The following A1CF variants were observed in gnomAD, a reference collection of about 807,000 sequenced individuals.
A1CF encodes the protein APOBEC1 complementation factor.
A1CF carries 48 observed loss-of-function variants against 68.9 expected under a neutral mutation model. That is an observed-to-expected ratio of 0.70 (90% confidence interval 0.55 to 0.89). The LOEUF (loss-of-function observed/expected upper bound fraction) is 0.89. Ranked by LOEUF, A1CF falls within the 40% of genes least tolerant of loss-of-function variation. The pLI is 0.00. For missense variants in A1CF, 653 were observed against 718.9 expected, an observed-to-expected ratio of 0.91 and a Z score of 1.05; for synonymous variants, 272 against 260.4, an observed-to-expected ratio of 1.04 and a Z score of -0.43.
At chr10:50,831,667 G>A (rs756031947) in intron 6 of A1CF, among the ~76,000 whole-genome samples, 7 of 152,206 alleles carry the variant, frequency 4.6e-5, no homozygotes, top group Non-Finnish European at 1.0e-4. Flanking sequence ...GGCAGAGGTT[G>A]CAGTGAGCCA....
chr10:50,850,614 G>T, intron 3 of A1CF: 1 of 1,606,814 alleles, frequency 6.2e-7, no homozygotes, highest in African/African-American at 1.3e-5. Context: ...GTGTGTTTCT[G>T]TAAAAGAGAA....
At chr10:50,852,367 G>A (rs1435114842) in intron 3 of A1CF, among the ~76,000 whole-genome samples, 1 of 152,122 alleles carries the variant, frequency 6.6e-6, no homozygotes, top group East Asian at 1.9e-4. Flanking sequence ...CTCCACAAAG[G>A]GATTCACAGA....
rs752556306 is a variant in A1CF at position 50,806,810 on chromosome 10, T to C, written c.1680A>G (p.Gln560=). ...AQLKQAVTLG[Q]DLAAYTTYEV... is the part of the protein sequence containing the mutation. Reference sequence around the variant, plus strand: ...CATAGGTTGTATATGCTGCTAAGTCTTGTCCAAGGGTTACCGCTTGCTTGA... The same window carrying C: ...CATAGGTTGTATATGCTGCTAAGTCCTGTCCAAGGGTTACCGCTTGCTTGA... Residue 560 remains glutamine (Q), a synonymous_variant, in exon 13 of 13, where the codon CAA becomes CAG. Coordinates refer to ENST00000373997, the MANE Select transcript of A1CF (RefSeq NM_014576.4). 2 of 1,613,740 alleles carry C rather than the reference T, an allele frequency of 1.2e-6. No individual in the cohort carries two copies.
At chr10:50,876,066 C>T (rs570088064) in intron 1 of A1CF, among the ~76,000 whole-genome samples, 1 of 152,198 alleles carries the variant, frequency 6.6e-6, no homozygotes, top group Non-Finnish European at 1.5e-5. Flanking sequence ...CCTTGTTTCC[C>T]ATTTCCCACA....
intron 8 of A1CF, among the ~76,000 whole-genome samples, chr10:50,820,051 C>A (rs1838573011): frequency 1.3e-5 from 2 of 152,222 alleles, no homozygotes; most frequent in South Asian, 4.1e-4. Context: ...TATTATATTG[C>A]TTTCTGTAGA....
At chr10:50,867,313 T>G (rs1162167830) in intron 1 of A1CF, among the ~76,000 whole-genome samples, 1 of 151,944 alleles carries the variant, frequency 6.6e-6, no homozygotes, top group Non-Finnish European at 1.5e-5. Context: ...TTATATAATA[T>G]TATATATGTA....
At chr10:50,834,858 T>C (rs1839414566) in intron 6 of A1CF, among the ~76,000 whole-genome samples, 1 of 152,168 alleles carries the variant, frequency 6.6e-6, no homozygotes, top group South Asian at 2.1e-4. Flanking sequence ...GTGTTTAGAC[T>C]TCAGTGGTGG....
At chr10:50,806,903 C>A in intron 12 of A1CF, 23 bp from the exon 13 acceptor site, 1 of 1,591,450 alleles carries the variant, frequency 6.3e-7, no homozygotes, top group Non-Finnish European at 8.5e-7. Flanking sequence ...GCAGAGAAAA[C>A]TTGATGAAAG....
chr10:50,847,042 T>C (rs534071551), intron 3 of A1CF, among the ~76,000 whole-genome samples: 67 of 152,316 alleles, frequency 4.4e-4, no homozygotes, highest in South Asian at 2.1e-4. Flanking sequence ...GTTGCTAATA[T>C]GTCAGGTACT....
intron 2 of A1CF, chr10:50,863,018 T>C (rs1054691436): frequency 6.6e-6 from 1 of 152,210 alleles, no homozygotes. Flanking sequence ...AATCTGCCTT[T>C]AGTTTTGGTT....
At chr10:50,817,917 A>G (rs1379016265) in intron 8 of A1CF, among the ~76,000 whole-genome samples, 1 of 152,206 alleles carries the variant, frequency 6.6e-6, no homozygotes, top group Non-Finnish European at 1.5e-5. Context: ...CTTTCACTTC[A>G]TAGACTTACA....
chr10:50,813,709 C>A, intron 10 of A1CF, 148 bp downstream of exon 10: 1 of 779,292 alleles, frequency 1.3e-6, no homozygotes. Flanking sequence ...AGCATTCCTT[C>A]AAAGACTGTG....
At chr10:50,834,010 T>C (rs16909866) in intron 6 of A1CF, among the ~76,000 whole-genome samples, 18,385 of 152,178 alleles carry the variant, frequency 0.12, 1,677 homozygotes, top group East Asian at 0.4. Context: ...AAGTCAGGAC[T>C]GTGGGTGGAA....
chr10:50,874,918 A>T lies in A1CF; in HGVS notation c.-94+10663T>A, dbSNP rs899111724. On this transcript the variant is annotated intron_variant, in intron 1 of 12. Coordinates refer to ENST00000373997, the MANE Select transcript of A1CF (RefSeq NM_014576.4). The stretch of plus-strand genomic sequence containing the variant: ...TTAGGCATCATCTTACCCTCCCGGA[A>T]GGATTCTGATTCAGCTGGTTTGGAA... 5.3e-5 allele frequency among the ~76,000 whole-genome samples: 8 copies of T among 152,314 alleles called. No individual in the cohort carries two copies. The East Asian group carries it at 1.5e-3, about 29-fold the overall frequency.
At chr10:50,831,088 A>T (rs1451741151) in intron 6 of A1CF, among the ~76,000 whole-genome samples, 1 of 152,230 alleles carries the variant, frequency 6.6e-6, no homozygotes, top group Non-Finnish European at 1.5e-5. Context: ...CCCTTATCTT[A>T]CAATATACAC....
chr10:50,862,470 T>A (rs1204697776), intron 2 of A1CF, among the ~76,000 whole-genome samples: 1 of 152,166 alleles, frequency 6.6e-6, no homozygotes, highest in African/African-American at 2.4e-5. Context: ...GTCATCCTCT[T>A]TATATAAACA....
chr10:50,833,738 A>G (rs1214541227), intron 6 of A1CF, among the ~76,000 whole-genome samples: 1 of 152,124 alleles, frequency 6.6e-6, no homozygotes, highest in East Asian at 1.9e-4. Flanking sequence ...GAGTGATCCA[A>G]ATGGGTGATA....
intron 3 of A1CF, chr10:50,850,564 T>C: frequency 6.9e-7 from 1 of 1,446,992 alleles, no homozygotes; most frequent in African/African-American, 1.4e-5. Flanking sequence ...TATTCGAGTG[T>C]TTTTCAAAAT....
chr10:50,884,197 C>T (rs539006259), intron 1 of A1CF, among the ~76,000 whole-genome samples: 1 of 152,304 alleles, frequency 6.6e-6, no homozygotes, highest in South Asian at 2.1e-4. Context: ...ATAAAACCAC[C>T]TTGGCATTAG....
Sources: gnomAD v4.1 joint callset for allele counts (sites outside exome capture counted in the v4.1 genomes callset) on GRCh38, gnomAD v4.1.1 for gene constraint, MANE v1.5 for transcripts, NCBI Gene and HGNC (gene_info 2026-07-23, HGNC 2026-07-21) for gene names.